The following ENTPD5 variants were observed in gnomAD, a reference collection of about 807,000 sequenced individuals.
ENTPD5 encodes nucleoside diphosphate phosphatase ENTPD5.
A neutral mutation model predicts 60.2 loss-of-function variants in ENTPD5; 49 were observed. The observed-to-expected ratio is 0.81, with a 90% confidence interval of 0.65 to 1.03. ENTPD5 has a LOEUF of 1.03. Among genes scored for constraint, ENTPD5 ranks in the 50% least tolerant of loss-of-function variants. The probability of loss-of-function intolerance (pLI) is 0.00; values close to 1 mark genes in which losing one functional copy is unlikely to be tolerated. For missense variants in ENTPD5, 480 were observed against 507.6 expected (o/e 0.95, Z 0.52); for synonymous variants, 187 against 185.4 (o/e 1.01, Z -0.07).
chr14:73,992,822 G>A (rs902315143), intron 3 of ENTPD5, among the ~76,000 whole-genome samples: 2 of 151,690 alleles, frequency 1.3e-5, no homozygotes, highest in Non-Finnish European at 2.9e-5. Context: ...GGGTAACAAG[G>A]CGAAACCCCG....
downstream of ENTPD5, chr14:73,959,581 GT>G (rs759810630): frequency 0.011 from 14,933 of 1,329,026 alleles, no homozygotes; most frequent in Admixed American, 0.017. Context: ...GAAAGGTGTT[GT>G]TTTTTTTTTT....
At chr14:73,961,067 G>A, downstream of ENTPD5, 1 of 1,307,820 alleles carries the variant, frequency 7.6e-7, no homozygotes, top group African/African-American at 1.5e-5. Context: ...GGCAAGTTGG[G>A]TAGCATTAGC....
At chr14:74,001,700 A>AAAAAAAAAAC (rs2058516943) in intron 3 of ENTPD5, among the ~76,000 whole-genome samples, 1 of 109,396 alleles carries the variant, frequency 9.1e-6, no homozygotes, top group Non-Finnish European at 1.9e-5. Flanking sequence ...AAAAAAAAAA[A>AAAAAAAAAAC]AGCCAGGCAT....
chr14:74,013,059 C>T (rs117421764), intron 2 of ENTPD5, among the ~76,000 whole-genome samples: 1,619 of 152,240 alleles, frequency 0.011, 12 homozygotes, highest in Non-Finnish European at 0.014. Context: ...AACTTTAGCA[C>T]GCATCAGAAC....
At chr14:73,985,536 T>G (rs1326424711) in intron 5 of ENTPD5, among the ~76,000 whole-genome samples, 2 of 152,224 alleles carry the variant, frequency 1.3e-5, no homozygotes, top group African/African-American at 4.8e-5. Context: ...TGCATAAATG[T>G]CTTCTTTTGA....
intron 3 of ENTPD5, among the ~76,000 whole-genome samples, chr14:74,004,526 G>C (rs973398982): frequency 1.3e-5 from 2 of 152,072 alleles, no homozygotes; most frequent in Non-Finnish European, 2.9e-5. Context: ...TTGGCTCTGA[G>C]GCTCTCATGA....
downstream of ENTPD5, chr14:73,958,825 C>G: frequency 6.5e-7 from 1 of 1,535,196 alleles, no homozygotes; most frequent in Admixed American, 2.0e-5. Context: ...GGCTCCACCT[C>G]TAGGGGCTGT....
chr14:73,958,534 G>C, downstream of ENTPD5: 13 of 1,325,652 alleles, frequency 9.8e-6, no homozygotes, highest in Non-Finnish European at 1.2e-5. Context: ...CAGAGTGTTG[G>C]GAATGGAGGC....
chr14:74,004,908 G>T (rs1464595036), intron 3 of ENTPD5, among the ~76,000 whole-genome samples: 1 of 152,056 alleles, frequency 6.6e-6, no homozygotes, highest in Admixed American at 6.6e-5. Context: ...CATCACTGGG[G>T]GGCATCTTGG....
downstream of ENTPD5, chr14:73,961,023 C>CT: frequency 1.1e-6 from 1 of 899,756 alleles, no homozygotes; most frequent in Non-Finnish European, 1.8e-6. Flanking sequence ...TTGCTTTGCA[C>CT]TTGAGGGGCT....
intron 3 of ENTPD5, among the ~76,000 whole-genome samples, chr14:74,010,280 C>T (rs367624959): frequency 6.6e-6 from 1 of 152,064 alleles, no homozygotes; most frequent in Admixed American, 6.6e-5. Context: ...TTCGGCCAGG[C>T]GCAGTGGCTC....
intron 3 of ENTPD5, among the ~76,000 whole-genome samples, chr14:74,008,645 T>G (rs2058752721): frequency 1.3e-5 from 2 of 152,148 alleles, no homozygotes; most frequent in South Asian, 4.1e-4. Context: ...TCCACCCGCC[T>G]CGGCCTCCCA....
intron 3 of ENTPD5, among the ~76,000 whole-genome samples, chr14:74,003,690 G>C (rs1342631667): frequency 6.6e-6 from 1 of 151,872 alleles, no homozygotes; most frequent in Non-Finnish European, 1.5e-5. Flanking sequence ...CTGGACCTGG[G>C]ACATTCTGGA....
chr14:73,986,140 C>G lies in ENTPD5; in HGVS notation c.297+674G>C, dbSNP rs201996419. Reference sequence around the variant, plus strand: ...ATATATCCTCTCAGTTCTCCAAACTCAAATCATTTTTAACATCAAGCATTT... The same window carrying G: ...ATATATCCTCTCAGTTCTCCAAACTGAAATCATTTTTAACATCAAGCATTT... On this transcript the variant is annotated intron_variant, in intron 5 of 15. Transcript: ENST00000334696. The G allele has an allele frequency of 2.6e-5, 4 of 151,498 alleles. No individual in the cohort carries two copies. In the East Asian group the frequency reaches 7.8e-4, roughly 29 times the overall value. 9.4% of individuals were successfully genotyped at this position (151,498 alleles called of 1,614,324 possible). A position where few individuals can be genotyped will look rare whatever the true frequency, so the allele number is the denominator to read the frequency against.
At chr14:74,008,853 C>A (rs984448857) in intron 3 of ENTPD5, 1 of 152,120 alleles carries the variant, frequency 6.6e-6, no homozygotes, top group Non-Finnish European at 1.5e-5. Flanking sequence ...TAAGGTCTAA[C>A]CCTAAATTCA....
At chr14:73,993,831 CTTCTAT>C (rs2140710062) in intron 3 of ENTPD5, among the ~76,000 whole-genome samples, 1 of 151,140 alleles carries the variant, frequency 6.6e-6, no homozygotes, top group South Asian at 2.1e-4. Flanking sequence ...ACTTCTCCAG[CTTCTAT>C]TTCTATTAAG....
At chr14:73,959,411 AC>A (rs772662269), downstream of ENTPD5, 2 of 1,614,170 alleles carry the variant, frequency 1.2e-6, no homozygotes, top group Admixed American at 3.3e-5. Flanking sequence ...TTCTTTTGAC[AC>A]AGCTCTCAGA....
Position 74,003,302 on chromosome 14 carries a change from G to A in ENTPD5, c.-71+7789C>T, listed in dbSNP as rs1010633868. The A allele has an allele frequency of 7.0e-6, 3 of 426,628 alleles. No homozygotes were observed. The Admixed American group carries it at 9.3e-5, about 13-fold the overall frequency. The allele number at this position is 426,628 out of a possible 1,614,324, so 26.4% of individuals were successfully genotyped here. On this transcript the variant is annotated intron_variant, in intron 3 of 15. Coordinates refer to ENST00000334696, the MANE Select transcript of ENTPD5 (RefSeq NM_001249.5). Reference sequence around the variant, plus strand: ...ACTGGTGTAACCCAAGAACCTAGAAGAGCGTCCAAGGTGGAATTCAATAAA... The same window carrying A: ...ACTGGTGTAACCCAAGAACCTAGAAAAGCGTCCAAGGTGGAATTCAATAAA...
chr14:73,955,837 G>A, downstream of ENTPD5: 1 of 1,614,148 alleles, frequency 6.2e-7, no homozygotes, highest in Non-Finnish European at 8.5e-7. Flanking sequence ...CCCTGATAAT[G>A]TTTGATAAGG....
Sources: gnomAD v4.1 joint callset for allele counts (sites outside exome capture counted in the v4.1 genomes callset) on GRCh38, gnomAD v4.1.1 for gene constraint, MANE v1.5 for transcripts, NCBI Gene and HGNC (gene_info 2026-07-23, HGNC 2026-07-21) for gene names.